The following ASIC2 variants were observed in gnomAD, a reference collection of about 807,000 sequenced individuals.
ASIC2 encodes the protein acid sensing ion channel subunit 2, also known as acid-sensing ion channel 2.
Under a neutral mutation model 57.3 loss-of-function variants are expected in ASIC2, and 25 were observed. The observed-to-expected ratio is 0.44, with a 90% confidence interval of 0.32 to 0.61. The LOEUF (loss-of-function observed/expected upper bound fraction) is 0.61. Ranked by LOEUF, ASIC2 falls within the 20% of genes least tolerant of loss-of-function variation. The pLI is 0.06. For synonymous variants in ASIC2, 319 were observed against 307.5 expected, an observed-to-expected ratio of 1.04 and a Z score of -0.39; for missense variants, 641 against 738.1, an observed-to-expected ratio of 0.87 and a Z score of 1.52.
At chr17:33,215,381 A>T (rs1457067979) in intron 1 of ASIC2, among the ~76,000 whole-genome samples, 1 of 152,234 alleles carries the variant, frequency 6.6e-6, no homozygotes, top group East Asian at 1.9e-4. Context: ...CAGGATAAAG[A>T]AGTAGTAGAA....
chr17:33,808,868 T>C (rs35462603), intron 1 of ASIC2, among the ~76,000 whole-genome samples: 20,165 of 152,254 alleles, frequency 0.13, 1,432 homozygotes, highest in East Asian at 0.19. Flanking sequence ...TCTTCTCCTG[T>C]TTTCCCTGCT....
intron 1 of ASIC2, among the ~76,000 whole-genome samples, chr17:34,143,848 G>A (rs1252104428): frequency 6.6e-6 from 1 of 152,190 alleles, no homozygotes; most frequent in Non-Finnish European, 1.5e-5. Flanking sequence ...AGATGTGGCT[G>A]CTCAGTGTTG....
intron 3 of ASIC2, among the ~76,000 whole-genome samples, chr17:33,045,322 C>T (rs1251021291): frequency 6.6e-6 from 1 of 152,134 alleles, no homozygotes; most frequent in Non-Finnish European, 1.5e-5. Context: ...CTGTGCATGC[C>T]GACGCACCAT....
At chr17:33,798,258 T>C (rs903355439) in intron 1 of ASIC2, among the ~76,000 whole-genome samples, 1 of 152,072 alleles carries the variant, frequency 6.6e-6, no homozygotes, top group African/African-American at 2.4e-5. Context: ...GAGATAATTG[T>C]ATAGAAAGAT....
At chr17:33,458,541 G>A (rs1259892358) in intron 1 of ASIC2, among the ~76,000 whole-genome samples, 1 of 152,192 alleles carries the variant, frequency 6.6e-6, no homozygotes, top group African/African-American at 2.4e-5. Context: ...CTGACTGTAT[G>A]ATTTTGGCCA....
At chr17:34,036,083 A>T (rs1029649494) in intron 1 of ASIC2, among the ~76,000 whole-genome samples, 1 of 152,064 alleles carries the variant, frequency 6.6e-6, no homozygotes, top group Non-Finnish European at 1.5e-5. Context: ...ATATGTTTAT[A>T]TCGTCAATAT....
chr17:33,875,571 G>A (rs1281694762), intron 1 of ASIC2, among the ~76,000 whole-genome samples: 1 of 152,170 alleles, frequency 6.6e-6, no homozygotes, highest in African/African-American at 2.4e-5. Context: ...AGTCCCCAAA[G>A]CCCCATTTCA....
At chr17:33,530,772 AG>A (rs1360812541) in intron 1 of ASIC2, among the ~76,000 whole-genome samples, 1 of 152,194 alleles carries the variant, frequency 6.6e-6, no homozygotes, top group African/African-American at 2.4e-5. Context: ...ACAGGTACCA[AG>A]GGGTTGGAGA....
At chr17:33,584,156 A>G (rs772541480) in intron 1 of ASIC2, among the ~76,000 whole-genome samples, 7 of 152,232 alleles carry the variant, frequency 4.6e-5, no homozygotes, top group Admixed American at 2.0e-4. Context: ...ACTGGATAAT[A>G]AAACCCCCTC....
intron 1 of ASIC2, among the ~76,000 whole-genome samples, chr17:33,904,759 C>T (rs989812641): frequency 6.6e-6 from 1 of 152,214 alleles, no homozygotes; most frequent in African/African-American, 2.4e-5. Flanking sequence ...GCAAAAGCTA[C>T]ACCACCCTTT....
rs187725367 is a variant in ASIC2 at position 33,649,913 on chromosome 17, C to T, written c.555+506065G>A. 6.5e-3 allele frequency among the ~76,000 whole-genome samples: 985 copies of T among 151,998 alleles called. 8 individuals carry two copies. The highest frequency in any genetic ancestry group is 0.022 in the African/African-American group (932 of 41,466). On this transcript the variant is annotated intron_variant, in intron 1 of 9. Coordinates refer to the ASIC2 transcript ENST00000359872. ...TTGTATAAATGGTAAAACTATGAAA[C>T]GTAGAAAAAATATAGATAAATTATT...
At chr17:33,973,540 G>A (rs1287044794) in intron 1 of ASIC2, among the ~76,000 whole-genome samples, 1 of 152,168 alleles carries the variant, frequency 6.6e-6, no homozygotes, top group African/African-American at 2.4e-5. Flanking sequence ...AGATTGGGTA[G>A]GCAGGAGCGC....
chr17:33,149,802 A>G (rs1030728007), intron 1 of ASIC2, among the ~76,000 whole-genome samples: 1 of 152,242 alleles, frequency 6.6e-6, no homozygotes, highest in Non-Finnish European at 1.5e-5. Context: ...TATTTTAATT[A>G]GCCATCTGTA....
At chr17:33,186,531 G>A (rs1483616367) in intron 1 of ASIC2, among the ~76,000 whole-genome samples, 1 of 152,196 alleles carries the variant, frequency 6.6e-6, no homozygotes, top group Non-Finnish European at 1.5e-5. Flanking sequence ...GTAAATTCGA[G>A]AGATTTTCTT....
At chr17:33,181,838 C>G (rs1425225770) in intron 1 of ASIC2, among the ~76,000 whole-genome samples, 2 of 152,154 alleles carry the variant, frequency 1.3e-5, no homozygotes, top group East Asian at 3.8e-4. Context: ...AACAAACGAA[C>G]AAAAACCACA....
At chr17:33,143,375 G>A (rs1904409598) in intron 1 of ASIC2, among the ~76,000 whole-genome samples, 1 of 152,148 alleles carries the variant, frequency 6.6e-6, no homozygotes, top group South Asian at 2.1e-4. Context: ...ACCCTTTAAA[G>A]CATTTCACAT....
chr17:33,708,574 T>C (rs1452803831), intron 1 of ASIC2, among the ~76,000 whole-genome samples: 1 of 152,182 alleles, frequency 6.6e-6, no homozygotes, highest in African/African-American at 2.4e-5. Context: ...TCCTCTGAAT[T>C]TGTGGCTGCA....
chr17:33,056,028 G>A (rs982862134), intron 3 of ASIC2, among the ~76,000 whole-genome samples: 1 of 152,214 alleles, frequency 6.6e-6, no homozygotes, highest in Non-Finnish European at 1.5e-5. Context: ...ACTCCCTAGA[G>A]GATTCTCATG....
At chr17:33,910,649 C>T (rs1396055951) in intron 1 of ASIC2, among the ~76,000 whole-genome samples, 2 of 152,160 alleles carry the variant, frequency 1.3e-5, no homozygotes, top group African/African-American at 2.4e-5. Context: ...CTGGTGCATT[C>T]ATCACTGCCT....
Sources: allele counts gnomAD v4.1 joint callset (sites outside exome capture counted in the v4.1 genomes callset), GRCh38; gene constraint gnomAD v4.1.1; transcripts MANE v1.5; gene names NCBI Gene and HGNC (gene_info 2026-07-23, HGNC 2026-07-21).